TRPC3: variants seen among roughly 807,000 people sequenced by gnomAD.
TRPC3 encodes short transient receptor potential channel 3.
TRPC3 carries 54 observed loss-of-function variants against 90.9 expected under a neutral mutation model. That is an observed-to-expected ratio of 0.59 (90% CI 0.48 to 0.75). The LOEUF (loss-of-function observed/expected upper bound fraction) is 0.75. TRPC3 is among the 30% of genes least tolerant of loss of function. The pLI is 0.00. For missense variants in TRPC3, 918 were observed against 1,194.5 expected, an observed-to-expected ratio of 0.77 and a Z score of 3.41; for synonymous variants, 424 against 450.9, an observed-to-expected ratio of 0.94 and a Z score of 0.75.
rs923158266 is a variant in TRPC3 at position 121,912,047 on chromosome 4, G to T, written c.1388C>A (p.Ala463Glu). 1 of 1,613,688 alleles carries T rather than the reference G, an allele frequency of 6.2e-7. No homozygotes were observed. Among genetic ancestry groups the T allele is most frequent in the Non-Finnish European group, 8.5e-7 (1 of 1,179,840 alleles). ...RSPFMKFVAH[A>E]ASFIIFLGLL... is the part of the protein sequence containing the mutation. ...ACCCAGGAAGATGATGAAAGAAGCT[G>T]CATGTGCTACAAACTTCATAAAAGG... The change falls in exon 5 of 12, where the codon GCA becomes GAA. Residue 463 changes from alanine to glutamate, a missense_variant. This residue lies in a region of TRPC3 where 609 missense variants were observed against 725.9 expected (regional missense o/e 0.84). Coordinates refer to ENST00000379645, the MANE Select transcript of TRPC3 (RefSeq NM_001130698.2).
intron 10 of TRPC3, among the ~76,000 whole-genome samples, chr4:121,888,752 G>GA (rs560553254): frequency 1.4e-3 from 216 of 151,730 alleles, no homozygotes; most frequent in South Asian, 9.4e-3. Context: ...CAGGCTGCAT[G>GA]AAAAAAAATC....
intron 4 of TRPC3, among the ~76,000 whole-genome samples, chr4:121,913,777 C>T (rs1247684089): frequency 6.6e-6 from 1 of 152,158 alleles, no homozygotes; most frequent in African/African-American, 2.4e-5. Flanking sequence ...CAAACATGAT[C>T]AAAATGACAA....
At position 121,951,181 on chromosome 4, in the gene TRPC3, T is replaced by G. The variant is rs760443819; in HGVS notation, c.215+285A>C. ...GTGGCTGCTCGCCAGGATGCTTGTC[T>G]GAAGTCAGTGTGCCCGCCTGCGGGC... On this transcript the variant is annotated intron_variant, in intron 1 of 11. Transcript: ENST00000379645. The surrounding 1 kb of genome is among the most constrained non-coding windows in gnomAD (Gnocchi z 4.4). Among the ~76,000 whole-genome samples the G allele has an allele frequency of 6.6e-6, 1 of 152,166 alleles. No individual in the cohort carries two copies. The highest frequency in any genetic ancestry group is 2.4e-5 in the African/African-American group (1 of 41,466).
intron 10 of TRPC3, among the ~76,000 whole-genome samples, chr4:121,887,246 ATATT>A (rs1728155361): frequency 6.6e-6 from 1 of 152,114 alleles, no homozygotes; most frequent in African/African-American, 2.4e-5. Context: ...CATTGCATTT[ATATT>A]TATTTCTATT....
At chr4:121,949,680 A>G (rs769528190) in intron 1 of TRPC3, among the ~76,000 whole-genome samples, 4 of 152,238 alleles carry the variant, frequency 2.6e-5, no homozygotes, top group African/African-American at 4.8e-5. Flanking sequence ...AAACGTTTTT[A>G]ATGTATATCT....
chr4:121,902,236 T>C (rs1164870585), intron 9 of TRPC3, among the ~76,000 whole-genome samples: 1 of 152,180 alleles, frequency 6.6e-6, no homozygotes, highest in Admixed American at 6.5e-5. Context: ...CTTCTATCTA[T>C]ACCATTCTAT....
chr4:121,884,551 G>C lies in TRPC3; in HGVS notation c.2548-2122C>G, dbSNP rs557000758. Among the ~76,000 whole-genome samples the C allele has an allele frequency of 2.0e-5, 3 of 152,280 alleles. No individual in the cohort carries two copies. The East Asian group carries it at 5.8e-4, about 29-fold the overall frequency. The stretch of plus-strand genomic sequence containing the variant: ...AGACCTGAACTAAAATGCAGACATA[G>C]CGAGAGTAGAAAATATATACTTCAA... On this transcript the variant is annotated intron_variant, in intron 10 of 11. Transcript: ENST00000379645.
intron 1 of TRPC3, among the ~76,000 whole-genome samples, chr4:121,933,613 TTTTG>T (rs1730031459): frequency 6.6e-6 from 1 of 152,144 alleles, no homozygotes; most frequent in Non-Finnish European, 1.5e-5. Flanking sequence ...ATTTTAAAAT[TTTTG>T]TTTATTTAAA....
chr4:121,935,419 GGTGTGTGTGT>G (rs34252770), intron 1 of TRPC3, among the ~76,000 whole-genome samples: 2 of 147,236 alleles, frequency 1.4e-5, no homozygotes, highest in Non-Finnish European at 3.0e-5. Context: ...ACATGTGTGG[GGTGTGTGTGT>G]GTGTGTGTGT....
intron 2 of TRPC3, among the ~76,000 whole-genome samples, chr4:121,925,477 G>A (rs1050400798): frequency 1.3e-5 from 2 of 152,036 alleles, no homozygotes; most frequent in African/African-American, 4.8e-5. Context: ...ATCTAAAAAA[G>A]TCATACTCAG....
At chr4:121,911,301 C>T (rs1388388278) in intron 5 of TRPC3, among the ~76,000 whole-genome samples, 2 of 152,144 alleles carry the variant, frequency 1.3e-5, no homozygotes, top group Non-Finnish European at 2.9e-5. Context: ...GCAGAGAACA[C>T]AATAAATTCT....
Position 121,903,057 on chromosome 4 carries a change from T to C in TRPC3, c.2258A>G (p.Asp753Gly). Residue 753 changes from aspartate (D) to glycine (G), a missense_variant, in exon 9 of 12, where the codon GAC (aspartate) becomes GGC (glycine). Asp to Gly is a moderately conservative substitution (Grantham distance 94). Coordinates refer to ENST00000379645, the MANE Select transcript of TRPC3 (RefSeq NM_001130698.2). ...AGCAAACTTCCATTCTACATCACTG[T>C]CATCCTGTGTCACAAAAATAGAAAA... ...INSSYQEIED[D>G]SDVEWKFARS... 2 of 1,592,804 alleles carry C rather than the reference T, an allele frequency of 1.3e-6. No homozygotes were observed. The highest frequency in any genetic ancestry group is 1.7e-6 in the Non-Finnish European group (2 of 1,172,452).
intron 1 of TRPC3, among the ~76,000 whole-genome samples, chr4:121,950,001 C>T (rs1375125932): frequency 6.6e-6 from 1 of 152,148 alleles, no homozygotes; most frequent in Non-Finnish European, 1.5e-5. Flanking sequence ...GTTATAAAAA[C>T]CAATTTGGCA....
At chr4:121,943,780 C>A (rs1730399410) in intron 1 of TRPC3, among the ~76,000 whole-genome samples, 1 of 152,096 alleles carries the variant, frequency 6.6e-6, no homozygotes. Flanking sequence ...TCATCCATAT[C>A]TAAAGTCAAA....
chr4:121,887,487 C>T (rs1728165287), intron 10 of TRPC3, among the ~76,000 whole-genome samples: 3 of 152,282 alleles, frequency 2.0e-5, no homozygotes, highest in South Asian at 4.1e-4. Flanking sequence ...AGTTCAGGAA[C>T]ATCTCATTTT....
In TRPC3 at chr4:121,951,264, T is replaced by C. The variant is rs1159734561; in HGVS notation, c.215+202A>G. On this transcript the variant is annotated intron_variant, in intron 1 of 11. Transcript: ENST00000379645. This position sits in a 1 kb window ranked among gnomAD's most constrained non-coding sequence, Gnocchi z 4.4. The stretch of plus-strand genomic sequence containing the variant: ...TGCCACGCACTCGGCAGCCCCTGTG[T>C]CCCTCCACCGCGCGGGACCGAGGGG... Among the ~76,000 whole-genome samples, 1 of 151,842 alleles carries C rather than the reference T, an allele frequency of 6.6e-6. No homozygotes were observed. The highest frequency in any genetic ancestry group is 2.0e-4 in the East Asian group (1 of 5,098).
intron 1 of TRPC3, among the ~76,000 whole-genome samples, chr4:121,942,571 A>AAAAC (rs1014906938): frequency 3.3e-5 from 5 of 152,338 alleles, no homozygotes; most frequent in African/African-American, 4.8e-5. Context: ...CCTGTCTCAA[A>AAAAC]AAACAAACAA....
At chr4:121,898,458 T>G (rs753148080) in intron 10 of TRPC3, among the ~76,000 whole-genome samples, 4 of 152,156 alleles carry the variant, frequency 2.6e-5, no homozygotes, top group Non-Finnish European at 4.4e-5. Flanking sequence ...GCACTCCTTA[T>G]GAGAATCTAA....
rs4995894 is a variant in TRPC3, at chr4:121,878,452, C to G, written c.*1284G>C. 0.79 allele frequency among the ~76,000 whole-genome samples: 119,406 copies of G among 151,426 alleles called. 47,470 individuals carry two copies. Among genetic ancestry groups the G allele is most frequent in the African/African-American group, 0.89 (36,930 of 41,354 alleles). On this transcript the variant is annotated 3_prime_UTR_variant, in exon 12 of 12. Transcript: ENST00000379645. ...TATACGACTTGACAGCAACTGACTG[C>G]AGACTCAGGATGTTAAACATAACTC...
Sources: gnomAD v4.1 joint callset for allele counts (sites outside exome capture counted in the v4.1 genomes callset) on GRCh38, gnomAD v4.1.1 for gene constraint, gnomAD v4.1.1 regional missense constraint, Gnocchi (gnomAD v3.1) non-coding constraint, MANE v1.5 for transcripts, NCBI Gene and HGNC (gene_info 2026-07-23, HGNC 2026-07-21) for gene names.